Variants in PRR16 observed in about 807,000 individuals in gnomAD.
PRR16 encodes protein Largen.
A neutral mutation model predicts 18.2 loss-of-function variants in PRR16; 6 were observed. That is an observed-to-expected ratio of 0.33 (90% CI 0.18 to 0.65). The LOEUF (loss-of-function observed/expected upper bound fraction) is 0.65, where lower values mean the gene tolerates loss of function less well. Ranked by LOEUF, PRR16 falls within the 30% of genes least tolerant of loss-of-function variation. The pLI is 0.74. For synonymous variants in PRR16, 151 were observed against 147.8 expected (o/e 1.02, Z -0.16); for missense variants, 412 against 376.6 (o/e 1.09, Z -0.78).
chr5:120,764,550 T>G, the PRR16 span, among the ~76,000 whole-genome samples: 22 of 152,196 alleles, frequency 1.4e-4, no homozygotes, highest in Admixed American at 1.2e-3. Context: ...CTGATTTTGG[T>G]GTCAGGCTTT....
At chr5:120,477,391 T>G (rs1374352873) in intron 1 of PRR16, among the ~76,000 whole-genome samples, 1 of 152,126 alleles carries the variant, frequency 6.6e-6, no homozygotes, top group African/African-American at 2.4e-5. Context: ...CTCCATCCTT[T>G]TAGACCTGGG....
At chr5:120,482,293 C>G (rs796764160) in intron 1 of PRR16, among the ~76,000 whole-genome samples, 7 of 152,220 alleles carry the variant, frequency 4.6e-5, no homozygotes, top group South Asian at 2.1e-4. Flanking sequence ...TTCTCTCCCC[C>G]CATTAGTCCC....
At chr5:120,783,190 A>G in the PRR16 span, among the ~76,000 whole-genome samples, 1 of 152,214 alleles carries the variant, frequency 6.6e-6, no homozygotes, top group African/African-American at 2.4e-5. Context: ...AATTAGTAAT[A>G]TCATTTTCTT....
At chr5:120,505,836 A>C (rs1750623341) in intron 1 of PRR16, among the ~76,000 whole-genome samples, 1 of 151,708 alleles carries the variant, frequency 6.6e-6, no homozygotes, top group Admixed American at 6.6e-5. Context: ...TCTCTTCTGA[A>C]AGTATGTATA....
chr5:120,544,189 C>T (rs1752002854), intron 1 of PRR16, among the ~76,000 whole-genome samples: 1 of 152,112 alleles, frequency 6.6e-6, no homozygotes, highest in African/African-American at 2.4e-5. Context: ...AATCCATGCT[C>T]TTTCTAATGG....
chr5:120,706,966 A>G, the PRR16 span, among the ~76,000 whole-genome samples: 1 of 152,162 alleles, frequency 6.6e-6, no homozygotes, highest in African/African-American at 2.4e-5. Context: ...CATTATACAT[A>G]GGGACACTAT....
chr5:120,567,503 G>A (rs1419992828), intron 1 of PRR16, among the ~76,000 whole-genome samples: 1 of 152,136 alleles, frequency 6.6e-6, no homozygotes, highest in Admixed American at 6.5e-5. Context: ...TCAGCCCTGT[G>A]CAGCACATTG....
intron 1 of PRR16, among the ~76,000 whole-genome samples, chr5:120,506,111 T>C (rs1750637895): frequency 6.6e-6 from 1 of 151,996 alleles, no homozygotes; most frequent in Non-Finnish European, 1.5e-5. Context: ...GAAATGATGC[T>C]TTACAAATAA....
chr5:120,489,749 G>A (rs1221271278), intron 1 of PRR16, among the ~76,000 whole-genome samples: 7 of 152,208 alleles, frequency 4.6e-5, no homozygotes, highest in Admixed American at 6.5e-5. Context: ...TCCTAGCCTC[G>A]ATGGTCTTTA....
chr5:120,648,809 T>G (rs981220059), intron 1 of PRR16, among the ~76,000 whole-genome samples: 4 of 152,104 alleles, frequency 2.6e-5, no homozygotes, highest in Non-Finnish European at 5.9e-5. Flanking sequence ...GTTCTTACAG[T>G]GTCAGTACTC....
chr5:120,788,388 A>T, the PRR16 span, among the ~76,000 whole-genome samples: 1 of 152,122 alleles, frequency 6.6e-6, no homozygotes, highest in South Asian at 2.1e-4. Flanking sequence ...GGCACATTTA[A>T]TTATCTTTGT....
At chr5:120,475,558 C>G (rs961857818) in intron 1 of PRR16, among the ~76,000 whole-genome samples, 2 of 151,880 alleles carry the variant, frequency 1.3e-5, no homozygotes, top group African/African-American at 2.4e-5. Context: ...GGCAACAGAG[C>G]AAGACCCTGT....
chr5:120,491,070 G>T (rs1420264564), intron 1 of PRR16, among the ~76,000 whole-genome samples: 2 of 152,168 alleles, frequency 1.3e-5, no homozygotes, highest in Non-Finnish European at 2.9e-5. Flanking sequence ...CCTACTGGGG[G>T]GTGCCTCCCA....
At chr5:120,756,219 A>C in the PRR16 span, among the ~76,000 whole-genome samples, 1 of 152,022 alleles carries the variant, frequency 6.6e-6, no homozygotes, top group African/African-American at 2.4e-5. Context: ...GGTACTTTCC[A>C]TTTTTCATCT....
the PRR16 span, among the ~76,000 whole-genome samples, chr5:120,696,693 G>T: frequency 6.6e-6 from 1 of 152,228 alleles, no homozygotes; most frequent in South Asian, 2.1e-4. Flanking sequence ...TGGTTCTGAA[G>T]AGGTAAGCAA....
intron 1 of PRR16, among the ~76,000 whole-genome samples, chr5:120,526,667 G>T (rs1751364803): frequency 6.6e-6 from 1 of 152,130 alleles, no homozygotes; most frequent in Non-Finnish European, 1.5e-5. Context: ...GCAATAGTTG[G>T]TTAAATCACA....
At chr5:120,637,516 A>G (rs1391005938) in intron 1 of PRR16, among the ~76,000 whole-genome samples, 2 of 152,072 alleles carry the variant, frequency 1.3e-5, no homozygotes, top group African/African-American at 4.8e-5. Flanking sequence ...CCTGAATGGA[A>G]TTGGAGACTA....
chr5:120,627,673 C>T (rs900740813), intron 1 of PRR16, among the ~76,000 whole-genome samples: 2 of 152,032 alleles, frequency 1.3e-5, no homozygotes, highest in African/African-American at 4.8e-5. Flanking sequence ...TGCTGGCTGG[C>T]CATACATCAC....
intron 1 of PRR16, among the ~76,000 whole-genome samples, chr5:120,536,628 G>T (rs545780950): frequency 1.8e-4 from 27 of 152,258 alleles, no homozygotes; most frequent in South Asian, 4.1e-4. Context: ...AAAAAGGTGT[G>T]ATATATGTTT....
Sources: allele counts gnomAD v4.1 joint callset (sites outside exome capture counted in the v4.1 genomes callset), GRCh38; gene constraint gnomAD v4.1.1; transcripts MANE v1.5; gene names NCBI Gene and HGNC (gene_info 2026-07-23, HGNC 2026-07-21).